The following CSMD1 variants were observed in gnomAD, a reference collection of about 807,000 sequenced individuals.
The protein encoded by CSMD1 is CUB and Sushi multiple domains 1, also known as CUB and sushi domain-containing protein 1.
Under a neutral mutation model 417.5 loss-of-function variants are expected in CSMD1, and 213 were observed. The observed-to-expected ratio is 0.51, with a 90% CI of 0.46 to 0.57. CSMD1 has a LOEUF of 0.57. CSMD1 is among the 20% of genes least tolerant of loss of function. The probability of loss-of-function intolerance (pLI) is 0.00; values close to 1 mark genes in which losing one functional copy is unlikely to be tolerated. For missense variants in CSMD1, 6,923 were observed against 4,529.7 expected (o/e 1.53, Z -15.17); for synonymous variants, 2,862 against 1,736.8 (o/e 1.65, Z -16.11).
chr8:4,731,535 C>A (rs532908056), intron 1 of CSMD1, among the ~76,000 whole-genome samples: 11 of 152,110 alleles, frequency 7.2e-5, no homozygotes, highest in Non-Finnish European at 1.3e-4. Context: ...TCTATTTGTT[C>A]TTTTGTTCAT....
intron 23 of CSMD1, among the ~76,000 whole-genome samples, chr8:3,337,210 T>C (rs1229081870): frequency 6.6e-6 from 1 of 152,238 alleles, no homozygotes; most frequent in Non-Finnish European, 1.5e-5. Context: ...TCCGTCTCCT[T>C]ACTTATCTCA....
chr8:3,181,329 C>T (rs1246186095), intron 36 of CSMD1, 115 bp from the exon 37 acceptor site: 2 of 696,282 alleles, frequency 2.9e-6, no homozygotes, highest in Non-Finnish European at 4.9e-6. Flanking sequence ...TGTCTGATTA[C>T]CAGATATTTA....
rs1358219766 is a variant in CSMD1, at chr8:3,735,962, G to A, written c.931+17968C>T. Reference sequence around the variant, plus strand: ...AGGGAAAGAAAATAAACAGTAGACAGGTAAATGGGTAAAATACATGGTTTT... The same window carrying A: ...AGGGAAAGAAAATAAACAGTAGACAAGTAAATGGGTAAAATACATGGTTTT... On this transcript the variant is annotated intron_variant, in intron 6 of 69. Transcript: ENST00000635120. Among the ~76,000 whole-genome samples, 5 of 151,894 alleles carry A rather than the reference G, an allele frequency of 3.3e-5. No individual in the cohort carries two copies. In the South Asian group the frequency reaches 6.2e-4, roughly 19 times the overall value.
chr8:4,092,977 T>C (rs1169356614), intron 3 of CSMD1, among the ~76,000 whole-genome samples: 1 of 152,162 alleles, frequency 6.6e-6, no homozygotes, highest in African/African-American at 2.4e-5. Context: ...GGGAGTATCT[T>C]ATACATAGTG....
chr8:4,576,886 T>G (rs1799162704), intron 2 of CSMD1, among the ~76,000 whole-genome samples: 1 of 152,228 alleles, frequency 6.6e-6, no homozygotes, highest in South Asian at 2.1e-4. Context: ...CAGTTATGAT[T>G]AAATAATTTT....
rs533677789 is a variant in CSMD1, at chr8:4,268,563, G to C, written c.415+151390C>G. ...TTTATTTCACTTACTTGAAAGATTA[G>C]AGATGAATATCCTCATTTCCAAAGA... On this transcript the variant is annotated intron_variant, in intron 3 of 69. Transcript: ENST00000635120. Among the ~76,000 whole-genome samples, 4 of 152,228 alleles carry C rather than the reference G, an allele frequency of 2.6e-5. No individual in the cohort carries two copies. The East Asian group carries it at 5.8e-4, about 22-fold the overall frequency.
chr8:3,757,040 A>G (rs1224856575), intron 5 of CSMD1, among the ~76,000 whole-genome samples: 1 of 152,144 alleles, frequency 6.6e-6, no homozygotes, highest in Non-Finnish European at 1.5e-5. Flanking sequence ...CAGCCTCAAG[A>G]AATCCTCTCA....
intron 2 of CSMD1, among the ~76,000 whole-genome samples, chr8:4,506,726 T>C (rs1663125872): frequency 8.5e-5 from 13 of 152,198 alleles, no homozygotes; most frequent in Admixed American, 8.5e-4. Flanking sequence ...CTTCAGAGTG[T>C]ATTGTTTCAT....
At chr8:4,509,213 G>C (rs1394122579) in intron 2 of CSMD1, among the ~76,000 whole-genome samples, 4 of 152,084 alleles carry the variant, frequency 2.6e-5, no homozygotes, top group African/African-American at 9.7e-5. Context: ...AAATTTGCAA[G>C]ATGAAGTTTA....
At chr8:4,759,483 G>T (rs925501198) in intron 1 of CSMD1, among the ~76,000 whole-genome samples, 2 of 152,328 alleles carry the variant, frequency 1.3e-5, no homozygotes, top group Middle Eastern at 3.4e-3. Context: ...TGGCATGCTG[G>T]TTTGCTGCAC....
chr8:4,254,579 C>A (rs1207609826), intron 3 of CSMD1, among the ~76,000 whole-genome samples: 1 of 152,188 alleles, frequency 6.6e-6, no homozygotes, highest in African/African-American at 2.4e-5. Context: ...TAAGCCTTCA[C>A]ATTCACTCAC....
intron 3 of CSMD1, among the ~76,000 whole-genome samples, chr8:4,335,693 G>C (rs7000582): frequency 0.43 from 66,031 of 151,982 alleles, 17,089 homozygotes; most frequent in East Asian, 0.69. Context: ...AATTGTTACA[G>C]AATATAGTGT....
At chr8:3,888,610 A>G (rs1483152510) in intron 5 of CSMD1, among the ~76,000 whole-genome samples, 1 of 152,238 alleles carries the variant, frequency 6.6e-6, no homozygotes, top group East Asian at 1.9e-4. Context: ...ATCTAACAAG[A>G]TCTTTGTCAT....
At chr8:4,735,373 C>G (rs1226588393) in intron 1 of CSMD1, among the ~76,000 whole-genome samples, 1 of 152,192 alleles carries the variant, frequency 6.6e-6, no homozygotes, top group Non-Finnish European at 1.5e-5. Flanking sequence ...AGCCCATTGT[C>G]TTTCTCTCAT....
chr8:4,953,029 G>C (rs1353501990), intron 1 of CSMD1, among the ~76,000 whole-genome samples: 2 of 151,492 alleles, frequency 1.3e-5, no homozygotes, highest in African/African-American at 2.4e-5. Flanking sequence ...CATGTGAGAT[G>C]AGAGTGACCA....
At chr8:3,992,013 A>G (rs1327578705) in intron 5 of CSMD1, among the ~76,000 whole-genome samples, 1 of 152,260 alleles carries the variant, frequency 6.6e-6, no homozygotes, top group Non-Finnish European at 1.5e-5. Flanking sequence ...TAGAAATGGC[A>G]TTTTAATTAA....
intron 1 of CSMD1, among the ~76,000 whole-genome samples, chr8:4,917,145 G>A (rs1011616478): frequency 4.6e-5 from 7 of 152,320 alleles, no homozygotes; most frequent in Admixed American, 2.6e-4. Context: ...GGGAAAGTTG[G>A]CATGTCCTAC....
At chr8:4,468,504 G>A (rs1800327431) in intron 2 of CSMD1, among the ~76,000 whole-genome samples, 1 of 152,114 alleles carries the variant, frequency 6.6e-6, no homozygotes, top group South Asian at 2.1e-4. Context: ...CTCTGAACAT[G>A]TACTTTTCTA....
intron 8 of CSMD1, among the ~76,000 whole-genome samples, chr8:3,589,172 T>C (rs888684170): frequency 2.0e-5 from 3 of 152,090 alleles, no homozygotes; most frequent in Admixed American, 2.0e-4. Context: ...TTATGGAAAA[T>C]AGTATAGGGG....
Sources: gnomAD v4.1 joint callset for allele counts (sites outside exome capture counted in the v4.1 genomes callset) on GRCh38, gnomAD v4.1.1 for gene constraint, MANE v1.5 for transcripts, NCBI Gene and HGNC (gene_info 2026-07-23, HGNC 2026-07-21) for gene names.